CCDC102B: variants seen among roughly 807,000 people sequenced by gnomAD.
The protein encoded by CCDC102B is coiled-coil domain-containing protein 102B.
A neutral mutation model predicts 57.4 loss-of-function variants in CCDC102B; 75 were observed. That is an observed-to-expected ratio of 1.31 (90% confidence interval 1.08 to 1.58). The LOEUF (loss-of-function observed/expected upper bound fraction) is 1.58, where lower values mean the gene tolerates loss of function less well. CCDC102B is among the 40% of genes most tolerant of loss of function. The pLI, the probability that CCDC102B is intolerant of heterozygous loss-of-function variation, is 0.00. For synonymous variants in CCDC102B, 206 were observed against 201.9 expected, an observed-to-expected ratio of 1.02 and a Z score of -0.17; for missense variants, 636 against 582.6, an observed-to-expected ratio of 1.09 and a Z score of -0.94.
intron 7 of CCDC102B, among the ~76,000 whole-genome samples, chr18:69,049,121 A>G (rs892291658): frequency 1.3e-5 from 2 of 151,644 alleles, no homozygotes; most frequent in Middle Eastern, 3.4e-3. Context: ...TACACGTGCT[A>G]TGGTGGTTTG....
intron 7 of CCDC102B, among the ~76,000 whole-genome samples, chr18:69,043,968 G>A (rs923615091): frequency 2.0e-5 from 3 of 152,102 alleles, no homozygotes; most frequent in East Asian, 1.9e-4. Context: ...AGTTCAGAAT[G>A]TCTGGTAAGG....
In CCDC102B at chr18:68,854,091, GTT is replaced by G. The variant is rs10604645; in HGVS notation, c.936+7683_936+7684del. Among the ~76,000 whole-genome samples the G allele has an allele frequency of 7.5e-3, 1,124 of 149,002 alleles. 19 individuals carry two copies. The highest frequency in any genetic ancestry group is 0.023 in the African/African-American group (929 of 40,102). On this transcript the variant is annotated intron_variant, in intron 4 of 7. Transcript: ENST00000360242. Reference sequence around the variant, plus strand: ...TTATGTTAGCATAATACTTTTTCTTGTTTTTTTTTTTTTTCTTTTTATTTTTG... The same window carrying G: ...TTATGTTAGCATAATACTTTTTCTTGTTTTTTTTTTTTCTTTTTATTTTTG...
chr18:68,756,070 A>G (rs913413094), intron 2 of CCDC102B, among the ~76,000 whole-genome samples: 2 of 151,686 alleles, frequency 1.3e-5, no homozygotes, highest in Non-Finnish European at 2.9e-5. Flanking sequence ...TAAATAGTCT[A>G]ATTATTAAAC....
intron 6 of CCDC102B, among the ~76,000 whole-genome samples, chr18:68,909,000 A>G (rs7229633): frequency 0.89 from 134,682 of 151,798 alleles, 59,899 homozygotes; most frequent in East Asian, 0.99. Flanking sequence ...TGGTAATTTA[A>G]CTTTCTTAAA....
intron 1 of CCDC102B, among the ~76,000 whole-genome samples, chr18:68,806,404 C>T (rs539132869): frequency 6.6e-6 from 1 of 152,148 alleles, no homozygotes; most frequent in South Asian, 2.1e-4. Context: ...CATTCACTTA[C>T]CTTTGAATAG....
chr18:68,972,381 T>C (rs1220197039), intron 6 of CCDC102B, among the ~76,000 whole-genome samples: 2 of 151,786 alleles, frequency 1.3e-5, no homozygotes, highest in Non-Finnish European at 2.9e-5. Context: ...TACACTCCTA[T>C]CTGATTGCGA....
chr18:68,911,210 A>G (rs1042905327), intron 6 of CCDC102B, among the ~76,000 whole-genome samples: 5 of 152,240 alleles, frequency 3.3e-5, no homozygotes, highest in African/African-American at 1.2e-4. Context: ...AGTAAACTGG[A>G]TAAAGAAAAT....
intron 7 of CCDC102B, among the ~76,000 whole-genome samples, chr18:69,050,925 C>T (rs950586951): frequency 6.6e-6 from 1 of 152,160 alleles, no homozygotes; most frequent in Non-Finnish European, 1.5e-5. Context: ...TTGCTCTTCA[C>T]TCAGGTTGGT....
chr18:68,996,082 A>G (rs1270469269), intron 6 of CCDC102B, among the ~76,000 whole-genome samples: 1 of 152,200 alleles, frequency 6.6e-6, no homozygotes, highest in Admixed American at 6.5e-5. Context: ...GATGCAAAGT[A>G]TTGTTCCTGC....
chr18:68,819,156 A>G (rs866004702), intron 1 of CCDC102B, among the ~76,000 whole-genome samples: 2 of 152,104 alleles, frequency 1.3e-5, no homozygotes, highest in East Asian at 1.9e-4. Context: ...TTAATGCTTG[A>G]TATCCTGTTT....
chr18:68,969,428 T>C (rs1376217815), intron 6 of CCDC102B, among the ~76,000 whole-genome samples: 1 of 152,176 alleles, frequency 6.6e-6, no homozygotes, highest in Non-Finnish European at 1.5e-5. Flanking sequence ...GACTACCTGG[T>C]TTAATATACT....
At chr18:68,846,732 G>C (rs2037883110) in intron 4 of CCDC102B, among the ~76,000 whole-genome samples, 2 of 151,724 alleles carry the variant, frequency 1.3e-5, no homozygotes, top group South Asian at 4.1e-4. Flanking sequence ...ATAGTTAAAT[G>C]GTTAATGATG....
chr18:68,974,681 T>C (rs2050387660), intron 6 of CCDC102B, among the ~76,000 whole-genome samples: 1 of 151,992 alleles, frequency 6.6e-6, no homozygotes, highest in African/African-American at 2.4e-5. Flanking sequence ...AAAGCATTAT[T>C]TGAAATGTTA....
chr18:68,779,732 G>T (rs1333084700), intron 2 of CCDC102B, among the ~76,000 whole-genome samples: 1 of 152,028 alleles, frequency 6.6e-6, no homozygotes, highest in Non-Finnish European at 1.5e-5. Flanking sequence ...GTAGAGATGA[G>T]TTACATTATT....
intron 4 of CCDC102B, among the ~76,000 whole-genome samples, chr18:68,847,385 G>A (rs907552343): frequency 6.6e-6 from 1 of 151,288 alleles, no homozygotes; most frequent in African/African-American, 2.4e-5. Context: ...GACTGAAAAA[G>A]CTAATATTTA....
At chr18:68,828,322 CAAAAAAAAAAAA>C (rs58180806) in intron 1 of CCDC102B, among the ~76,000 whole-genome samples, 5 of 80,806 alleles carry the variant, frequency 6.2e-5, no homozygotes, top group African/African-American at 1.4e-4. Context: ...ACCCTATTTA[CAAAAAAAAAAAA>C]AAAAAAAAAA....
At chr18:68,815,449 C>T (rs1407440573) in intron 1 of CCDC102B, among the ~76,000 whole-genome samples, 1 of 152,070 alleles carries the variant, frequency 6.6e-6, no homozygotes, top group Admixed American at 6.5e-5. Flanking sequence ...TCTTCCATGT[C>T]CTAGTCACTG....
At chr18:68,925,827 G>A (rs993973131) in intron 6 of CCDC102B, among the ~76,000 whole-genome samples, 4 of 151,878 alleles carry the variant, frequency 2.6e-5, no homozygotes, top group African/African-American at 7.3e-5. Context: ...TGAACATTCA[G>A]TCATTAACAC....
intron 6 of CCDC102B, among the ~76,000 whole-genome samples, chr18:68,932,498 C>A (rs531406576): frequency 1.3e-5 from 2 of 151,798 alleles, no homozygotes; most frequent in Admixed American, 6.6e-5. Flanking sequence ...ATATTTAGAC[C>A]ACCTTAAAAT....
Sources: gnomAD v4.1 joint callset for allele counts (sites outside exome capture counted in the v4.1 genomes callset) on GRCh38, gnomAD v4.1.1 for gene constraint, MANE v1.5 for transcripts, NCBI Gene and HGNC (gene_info 2026-07-23, HGNC 2026-07-21) for gene names.